EP400: variants seen among roughly 807,000 people sequenced by gnomAD.
EP400 encodes E1A binding protein p400.
A neutral mutation model predicts 354.1 loss-of-function variants in EP400; 105 were observed. That is an observed-to-expected ratio of 0.30 (90% CI 0.25 to 0.35). The LOEUF is 0.35. EP400 is among the 10% of genes least tolerant of loss of function. EP400 has a pLI of 1.00. For synonymous variants in EP400, 1,646 were observed against 1,716.9 expected (o/e 0.96, Z 1.02); for missense variants, 3,280 against 4,121.0 (o/e 0.80, Z 5.59).
chr12:132,077,876 A>T lies in EP400; in HGVS notation c.*203A>T, dbSNP rs982044654. On this transcript the variant is annotated 3_prime_UTR_variant, in exon 53 of 53. Transcript: ENST00000389561. The stretch of plus-strand genomic sequence containing the variant: ...CCTTATGGAGTGCCGCGTTCTCTGT[A>T]CTACGTGGCTCATGGAAAAAGTGAC... 8 of 692,032 alleles carry T rather than the reference A, an allele frequency of 1.2e-5. No homozygotes were observed. The East Asian group carries it at 2.3e-4, about 19-fold the overall frequency. 42.9% of individuals were successfully genotyped at this position (692,032 alleles called of 1,614,324 possible).
At position 132,064,809 on chromosome 12, in the gene EP400, C is replaced by A; in HGVS notation, c.8476C>A (p.Leu2826Ile). Residue 2826 changes from leucine (L) to isoleucine (I), a missense_variant, in exon 48 of 53, where the codon CTC (leucine) becomes ATC (isoleucine). Transcript: ENST00000389561. The part of the protein sequence containing the change: ...SQPPQQQSPQ[L>I]TTVTAPRPGA... ...GCCGCCGCAGCAGCAGAGCCCCCAG[C>A]TCACGACGGTCACGGCCCCAAGGCC... 1 of 1,612,830 alleles carries A rather than the reference C, an allele frequency of 6.2e-7. No homozygotes were observed. The highest frequency in any genetic ancestry group is 1.1e-5 in the South Asian group (1 of 91,060).
chr12:132,077,544 C>T lies in EP400; in HGVS notation c.9243C>T (p.Leu3081=). The change falls in exon 53 of 53, where the codon CTC becomes CTT. Residue 3081 remains leucine, a synonymous_variant. Coordinates refer to ENST00000389561, the MANE Select transcript of EP400 (RefSeq NM_015409.5). ...TGGTGACCACGGCGTCGGCCCCGCT[C>T]CAGACTCCAGGCGCTCCCAACCCAG... ...QQVVTTASAP[L]QTPGAPNPAQ... The T allele has an allele frequency of 6.2e-7, 1 of 1,613,892 alleles. No homozygotes were observed. Among genetic ancestry groups the T allele is most frequent in the Non-Finnish European group, 8.5e-7 (1 of 1,179,988 alleles).
intron 35 of EP400, 128 bp downstream of exon 35, chr12:132,044,439 A>G: frequency 7.4e-7 from 1 of 1,352,786 alleles, no homozygotes; most frequent in Admixed American, 2.7e-5. Context: ...TACTTCTCAT[A>G]TCAACACAAC....
rs1054792374 is a variant in EP400 at position 132,023,719 on chromosome 12, C to T, written c.4691-58C>T. On this transcript the variant is annotated intron_variant, in intron 23 of 52. Coordinates refer to ENST00000389561, the MANE Select transcript of EP400 (RefSeq NM_015409.5). Reference sequence around the variant, plus strand: ...ATACAAGAAACGACTGTCAATATGACACTCCCAAATTTTTTCCAAAATGAT... The same window carrying T: ...ATACAAGAAACGACTGTCAATATGATACTCCCAAATTTTTTCCAAAATGAT... 1.6e-5 allele frequency: 26 copies of T among 1,583,892 alleles called. No individual in the cohort carries two copies. In the African/African-American group the frequency reaches 3.5e-4, roughly 22 times the overall value.
chr12:132,031,166 TC>T, intron 29 of EP400: 1 of 477,658 alleles, frequency 2.1e-6, no homozygotes, highest in African/African-American at 2.0e-5. Context: ...TCAAGTCATC[TC>T]CCTTCATGGT....
intron 22 of EP400, 31 bp from the exon 23 acceptor site, chr12:132,021,048 G>A (rs1368757372): frequency 6.4e-7 from 1 of 1,561,634 alleles, no homozygotes; most frequent in East Asian, 2.3e-5. Flanking sequence ...ACCTCTAACA[G>A]CTTTGCACAA....
intron 11 of EP400, 57 bp downstream of exon 11, chr12:131,992,287 C>A: frequency 6.7e-7 from 1 of 1,496,282 alleles, no homozygotes; most frequent in Non-Finnish European, 9.1e-7. Context: ...TGAGATGACA[C>A]AGAGCTGCAG....
chr12:132,040,985 T>A (rs1043375099), intron 32 of EP400, among the ~76,000 whole-genome samples: 2 of 151,858 alleles, frequency 1.3e-5, no homozygotes, highest in African/African-American at 4.8e-5. Context: ...TGAGGACAAC[T>A]GGGGGACATG....
At chr12:131,999,939 G>T (rs918438952) in intron 12 of EP400, among the ~76,000 whole-genome samples, 3 of 146,164 alleles carry the variant, frequency 2.1e-5, no homozygotes, top group Non-Finnish European at 4.5e-5. Context: ...GTGTATTTAT[G>T]CCTGTTTTCT....
rs761538162 is a variant in EP400, at chr12:132,017,645, C to T, written c.4034C>T (p.Ser1345Phe). The T allele has an allele frequency of 2.5e-6, 4 of 1,605,228 alleles. No individual in the cohort carries two copies. The South Asian group carries it at 3.3e-5, about 13-fold the overall frequency. ...CTCGTCGAGCCCCGGCACCCAGGCT[C>T]TTCCTACGTGGCGGGGCCACTGGAG... is the stretch of plus-strand genomic sequence containing the variant. ...PGLVEPRHPG[S>F]SYVAGPLEYP... The change falls in exon 20 of 53, where the codon TCT (serine) becomes TTT (phenylalanine). Residue 1345 changes from serine to phenylalanine, a missense_variant. Physicochemically the swap from Ser to Phe is radical, Grantham distance 155. Around this residue, in one of 20 missense-constraint regions of EP400, gnomAD observed 342 missense variants for 342.7 expected, o/e 1.00. Coordinates refer to ENST00000389561, the MANE Select transcript of EP400 (RefSeq NM_015409.5). The surrounding 1 kb of genome is among the most constrained non-coding windows in gnomAD (Gnocchi z 5.0).
chr12:132,064,548 G>A, intron 47 of EP400, 120 bp from the exon 48 acceptor site: 1 of 1,341,132 alleles, frequency 7.5e-7, no homozygotes, highest in Non-Finnish European at 1.0e-6. Context: ...ATGCTGCACG[G>A]TAGCAGGTGT....
intron 16 of EP400, 128 bp downstream of exon 16, chr12:132,011,762 A>T: frequency 1.7e-6 from 2 of 1,191,632 alleles, no homozygotes; most frequent in Non-Finnish European, 2.3e-6. Flanking sequence ...TCATGAGTTA[A>T]CAGACCTTTA....
At chr12:131,955,076 C>A (rs1011506688) in intron 1 of EP400, among the ~76,000 whole-genome samples, 1 of 152,040 alleles carries the variant, frequency 6.6e-6, no homozygotes, top group Non-Finnish European at 1.5e-5. Flanking sequence ...GAAACTTAGT[C>A]GTTAAAAATT....
intron 48 of EP400, 135 bp downstream of exon 48, chr12:132,065,021 T>C: frequency 2.1e-6 from 3 of 1,437,560 alleles, no homozygotes; most frequent in Non-Finnish European, 2.8e-6. Context: ...GAGAACTTAG[T>C]ACCCCTTGGA....
rs1328145010 is a variant in EP400, at chr12:132,043,295, T to G, written c.6208-9T>G. On this transcript the variant is annotated splice_polypyrimidine_tract_variant and intron_variant, in intron 32 of 52. Coordinates refer to ENST00000389561, the MANE Select transcript of EP400 (RefSeq NM_015409.5). ...CTATCAAGGCAATCTAAACATAGAC[T>G]TTCCTCAGGCCCTCAAGAGTATTGA... 3.1e-6 allele frequency: 5 copies of G among 1,602,784 alleles called. No homozygotes were observed. Among genetic ancestry groups the G allele is most frequent in the Non-Finnish European group, 4.3e-6 (5 of 1,176,116 alleles).
chr12:132,051,468 T>C (rs1373618615), intron 41 of EP400, among the ~76,000 whole-genome samples: 1 of 151,712 alleles, frequency 6.6e-6, no homozygotes, highest in African/African-American at 2.4e-5. Flanking sequence ...GGACAAGGAG[T>C]GTGAGCCATC....
At chr12:131,989,721 GA>G (rs1440928769) in intron 7 of EP400, among the ~76,000 whole-genome samples, 2 of 152,140 alleles carry the variant, frequency 1.3e-5, no homozygotes, top group Non-Finnish European at 2.9e-5. Context: ...TAGTTTTGAG[GA>G]AAATAATGTG....
chr12:131,988,007 T>TTG, intron 7 of EP400, 117 bp downstream of exon 7: 1 of 869,916 alleles, frequency 1.1e-6, no homozygotes, highest in Non-Finnish European at 1.6e-6. Flanking sequence ...TTTTTTTTTT[T>TTG]TCCCCCAGAC....
At chr12:131,995,043 A>C in intron 12 of EP400, 87 bp downstream of exon 12, 13 of 1,256,138 alleles carry the variant, frequency 1.0e-5, no homozygotes, top group Non-Finnish European at 1.5e-5. Context: ...ATATTGAGTA[A>C]CAACAGCAGC....
Sources: allele counts gnomAD v4.1 joint callset (sites outside exome capture counted in the v4.1 genomes callset), GRCh38; gene constraint gnomAD v4.1.1; regional missense constraint gnomAD v4.1.1; non-coding constraint Gnocchi (gnomAD v3.1); transcripts MANE v1.5; gene names NCBI Gene and HGNC (gene_info 2026-07-23, HGNC 2026-07-21).